CACNA2D3: variants seen among roughly 807,000 people sequenced by gnomAD.
The protein encoded by CACNA2D3 is calcium voltage-gated channel auxiliary subunit alpha2delta 3, also known as voltage-dependent calcium channel subunit alpha-2/delta-3.
A neutral mutation model predicts 160.6 loss-of-function variants in CACNA2D3; 60 were observed. The ratio of observed to expected loss-of-function variants is 0.37; its 90% CI spans 0.30 to 0.46. The LOEUF (loss-of-function observed/expected upper bound fraction) is 0.46. Among genes scored for constraint, CACNA2D3 ranks in the 20% least tolerant of loss-of-function variants. CACNA2D3 has a pLI of 1.00. For synonymous variants in CACNA2D3, 558 were observed against 492.9 expected, an observed-to-expected ratio of 1.13 and a Z score of -1.75; for missense variants, 1,205 against 1,365.0, an observed-to-expected ratio of 0.88 and a Z score of 1.85.
Position 54,988,128 on chromosome 3 carries a change from C to T in CACNA2D3, c.2690+375C>T, listed in dbSNP as rs1458851901. On this transcript the variant is annotated intron_variant, in intron 31 of 37. Coordinates refer to ENST00000474759, the MANE Select transcript of CACNA2D3 (RefSeq NM_018398.3). ...GTCTCCTATTGATTAACCTGGGAAG[C>T]TCCCTAGAAATCTGGAACTTGGGGA... is the stretch of plus-strand genomic sequence containing the variant. 3.3e-5 allele frequency among the ~76,000 whole-genome samples: 5 copies of T among 152,174 alleles called. No homozygotes were observed. The East Asian group carries it at 9.6e-4, about 29-fold the overall frequency.
intron 2 of CACNA2D3, among the ~76,000 whole-genome samples, chr3:54,242,087 T>G (rs1045437030): frequency 6.6e-6 from 1 of 152,154 alleles, no homozygotes; most frequent in Non-Finnish European, 1.5e-5. Flanking sequence ...AAGTTGAATT[T>G]ATAAATTAGG....
chr3:54,835,609 G>A (rs1318969204), intron 14 of CACNA2D3, among the ~76,000 whole-genome samples: 11 of 152,232 alleles, frequency 7.2e-5, no homozygotes. Context: ...CAAGTAGATT[G>A]AGGGAGCAAT....
At chr3:54,530,096 A>G (rs1466857559) in intron 5 of CACNA2D3, among the ~76,000 whole-genome samples, 1 of 152,178 alleles carries the variant, frequency 6.6e-6, no homozygotes, top group African/African-American at 2.4e-5. Context: ...GGATGTGAAC[A>G]TCTTAGGCAA....
At chr3:54,968,538 A>T (rs1443081783) in intron 28 of CACNA2D3, 27 bp downstream of exon 28, 1 of 1,566,042 alleles carries the variant, frequency 6.4e-7, no homozygotes, top group Non-Finnish European at 8.8e-7. Flanking sequence ...ATCTTGAAGC[A>T]TTAGCGACAC....
At position 54,991,468 on chromosome 3, in the gene CACNA2D3, C is replaced by T. The variant is rs571623291; in HGVS notation, c.2690+3715C>T. Among the ~76,000 whole-genome samples, 37 of 152,214 alleles carry T rather than the reference C, an allele frequency of 2.4e-4. 1 individual carries two copies. The South Asian group carries it at 7.5e-3, about 31-fold the overall frequency. On this transcript the variant is annotated intron_variant, in intron 31 of 37. Transcript: ENST00000474759. Reference sequence around the variant, plus strand: ...GGACTCCTGACCTCAGGTGATCCCCCCAACTTGGCCTCCCAAAGTGCTAGG... The same window carrying T: ...GGACTCCTGACCTCAGGTGATCCCCTCAACTTGGCCTCCCAAAGTGCTAGG...
intron 12 of CACNA2D3, among the ~76,000 whole-genome samples, chr3:54,763,691 A>G (rs1184486772): frequency 1.4e-5 from 2 of 139,918 alleles, no homozygotes; most frequent in African/African-American, 2.6e-5. Flanking sequence ...ATATGTGTGT[A>G]TATATGTATA....
At chr3:54,795,930 T>G (rs1167117937) in intron 13 of CACNA2D3, among the ~76,000 whole-genome samples, 2 of 152,228 alleles carry the variant, frequency 1.3e-5, no homozygotes, top group African/African-American at 4.8e-5. Context: ...AACATGTGTT[T>G]GGCAAAGTGT....
intron 2 of CACNA2D3, among the ~76,000 whole-genome samples, chr3:54,267,998 T>C (rs1017481515): frequency 1.3e-5 from 2 of 152,184 alleles, no homozygotes; most frequent in Admixed American, 6.5e-5. Context: ...TGAGTTAGAA[T>C]TGATGAAAAA....
In CACNA2D3 at chr3:55,010,167, A is replaced by G. The variant is rs182345231; in HGVS notation, c.2875+724A>G. ...GTAGCAATACTGCATGTTCTCATGT[A>G]TAAGTAAGGTAAACACTGAGTACAC... On this transcript the variant is annotated intron_variant, in intron 34 of 37. Transcript: ENST00000474759. 4.2e-3 allele frequency among the ~76,000 whole-genome samples: 637 copies of G among 152,280 alleles called. 3 individuals are homozygous for G. Among genetic ancestry groups the G allele is most frequent in the African/African-American group, 0.015 (612 of 41,550 alleles).
chr3:54,449,676 A>G (rs1700275549), intron 4 of CACNA2D3, among the ~76,000 whole-genome samples: 1 of 152,124 alleles, frequency 6.6e-6, no homozygotes, highest in South Asian at 2.1e-4. Flanking sequence ...GTTGTTTACA[A>G]GTGTGTGGCA....
intron 21 of CACNA2D3, among the ~76,000 whole-genome samples, chr3:54,883,594 G>A (rs1226680110): frequency 6.6e-6 from 1 of 152,106 alleles, no homozygotes; most frequent in African/African-American, 2.4e-5. Flanking sequence ...TTGTAAATGA[G>A]GTTGGGAGGA....
intron 27 of CACNA2D3, among the ~76,000 whole-genome samples, chr3:54,960,969 A>G (rs1338348578): frequency 6.6e-6 from 1 of 152,258 alleles, no homozygotes; most frequent in African/African-American, 2.4e-5. Context: ...GCTCCAGAAC[A>G]GTGCCCTTTT....
chr3:54,984,314 AAAGG>A (rs1288484473), intron 29 of CACNA2D3, among the ~76,000 whole-genome samples: 1 of 151,184 alleles, frequency 6.6e-6, no homozygotes. Context: ...AGAAAAAAAA[AAAGG>A]AAGACAAACT....
intron 27 of CACNA2D3, among the ~76,000 whole-genome samples, chr3:54,965,517 A>G (rs1341327257): frequency 6.6e-6 from 1 of 152,134 alleles, no homozygotes; most frequent in African/African-American, 2.4e-5. Context: ...CCAGTTCTTT[A>G]TGCCTCTAGT....
At chr3:54,869,413 C>T (rs956704336) in intron 17 of CACNA2D3, among the ~76,000 whole-genome samples, 2 of 151,954 alleles carry the variant, frequency 1.3e-5, no homozygotes, top group Non-Finnish European at 2.9e-5. Flanking sequence ...AAGAGTGAAG[C>T]ACTGTTTAAT....
At chr3:54,694,360 A>G (rs955834880) in intron 11 of CACNA2D3, among the ~76,000 whole-genome samples, 2 of 152,216 alleles carry the variant, frequency 1.3e-5, no homozygotes, top group Non-Finnish European at 2.9e-5. Context: ...AATACACTCT[A>G]TGGTGTTCAC....
chr3:55,070,008 T>TTTTA (rs5849074), intron 35 of CACNA2D3, among the ~76,000 whole-genome samples: 121,356 of 151,766 alleles, frequency 0.8, 48,793 homozygotes, highest in East Asian at 0.94. Flanking sequence ...ACAGTTTAAT[T>TTTTA]TTTTATTCTT....
chr3:54,619,799 TA>T (rs11347038), intron 9 of CACNA2D3, among the ~76,000 whole-genome samples: 141,079 of 152,214 alleles, frequency 0.93, 65,725 homozygotes, highest in Non-Finnish European at 0.95. Flanking sequence ...ACCTACAAGA[TA>T]ATATTGGCTC....
chr3:54,628,634 TAGC>T (rs72241702), intron 10 of CACNA2D3, among the ~76,000 whole-genome samples: 14,452 of 152,166 alleles, frequency 0.095, 2,236 homozygotes, highest in African/African-American at 0.33. Flanking sequence ...ACTAGGGAGA[TAGC>T]AGTGAAGATG....
Sources: allele counts gnomAD v4.1 joint callset (sites outside exome capture counted in the v4.1 genomes callset), GRCh38; gene constraint gnomAD v4.1.1; transcripts MANE v1.5; gene names NCBI Gene and HGNC (gene_info 2026-07-23, HGNC 2026-07-21).